The following ANK2 variants were observed in gnomAD, a reference collection of about 807,000 sequenced individuals.
ANK2 encodes the protein ankyrin-2.
Under a neutral mutation model 360.5 loss-of-function variants are expected in ANK2, and 83 were observed. That is an observed-to-expected ratio of 0.23 (90% confidence interval 0.19 to 0.28). ANK2 has a LOEUF of 0.28. Among genes scored for constraint, ANK2 ranks in the 10% least tolerant of loss-of-function variants. ANK2 has a pLI of 1.00. For synonymous variants in ANK2, 1,740 were observed against 1,759.5 expected, an observed-to-expected ratio of 0.99 and a Z score of 0.28; for missense variants, 4,201 against 4,795.7, an observed-to-expected ratio of 0.88 and a Z score of 3.66.
intron 2 of ANK2, among the ~76,000 whole-genome samples, chr4:113,192,924 TAA>T (rs373250773): frequency 0.011 from 1,531 of 136,764 alleles, 14 homozygotes; most frequent in Non-Finnish European, 0.018. Flanking sequence ...TTGCATTATT[TAA>T]AAAAAAAAAA....
At chr4:113,177,631 C>T (rs1017644653) in intron 2 of ANK2, among the ~76,000 whole-genome samples, 20 of 152,214 alleles carry the variant, frequency 1.3e-4, no homozygotes, top group African/African-American at 4.3e-4. Context: ...AAAGAATAAT[C>T]TCTCAACAGT....
At chr4:113,205,075 A>T (rs555511247) in intron 4 of ANK2, among the ~76,000 whole-genome samples, 43 of 152,016 alleles carry the variant, frequency 2.8e-4, no homozygotes, top group South Asian at 1.9e-3. Flanking sequence ...CTCTACTAAA[A>T]ATACAAAAAA....
At chr4:112,837,600 C>T (rs1277943489) in intron 1 of ANK2, among the ~76,000 whole-genome samples, 1 of 152,252 alleles carries the variant, frequency 6.6e-6, no homozygotes, top group Non-Finnish European at 1.5e-5. Context: ...GCCTCAGGGG[C>T]TGTACCCTGC....
rs114185885 is a variant in ANK2, at chr4:113,054,889, T to G, written c.84+5077T>G. 7.8e-3 allele frequency among the ~76,000 whole-genome samples: 1,189 copies of G among 152,322 alleles called. 13 individuals are homozygous for G. The highest frequency in any genetic ancestry group is 0.027 in the African/African-American group (1,123 of 41,574). The stretch of plus-strand genomic sequence containing the variant: ...ACTTTTATGATATTAATTTTTTCAC[T>G]GATAATTTCATGTCTTAGTAATAAC... On this transcript the variant is annotated intron_variant, in intron 1 of 45. Transcript: ENST00000357077.
intron 2 of ANK2, among the ~76,000 whole-genome samples, chr4:113,018,375 C>A (rs2154296133): frequency 6.6e-6 from 1 of 152,258 alleles, no homozygotes; most frequent in East Asian, 1.9e-4. Context: ...ACTTTGGTAG[C>A]AAAATCTCAA....
chr4:113,055,828 G>A (rs2069448744), intron 1 of ANK2, among the ~76,000 whole-genome samples: 1 of 152,112 alleles, frequency 6.6e-6, no homozygotes. Flanking sequence ...GAAACCAGGT[G>A]TAAGGTAGTC....
chr4:113,064,273 C>A (rs1373816145), intron 1 of ANK2, among the ~76,000 whole-genome samples: 1 of 152,114 alleles, frequency 6.6e-6, no homozygotes, highest in African/African-American at 2.4e-5. Flanking sequence ...AGAAAAAGAT[C>A]CCTTCCACCT....
intron 2 of ANK2, among the ~76,000 whole-genome samples, chr4:112,960,934 A>G (rs2034465999): frequency 6.6e-6 from 1 of 152,190 alleles, no homozygotes; most frequent in African/African-American, 2.4e-5. Flanking sequence ...TGAATCAGAT[A>G]CTTTACAAAT....
chr4:113,374,780 C>T, intron 45 of ANK2: 2 of 1,140,414 alleles, frequency 1.8e-6, no homozygotes, highest in Non-Finnish European at 2.2e-6. Context: ...TTGTGTGAGC[C>T]CAGCATTTTG....
At chr4:113,193,925 A>G (rs2098710980) in intron 2 of ANK2, among the ~76,000 whole-genome samples, 1 of 152,226 alleles carries the variant, frequency 6.6e-6, no homozygotes, top group South Asian at 2.1e-4. Flanking sequence ...CTGATATGCA[A>G]AAGACAGACT....
intron 1 of ANK2, among the ~76,000 whole-genome samples, chr4:113,082,297 AC>A (rs1306776652): frequency 1.3e-5 from 2 of 151,934 alleles, no homozygotes; most frequent in Non-Finnish European, 2.9e-5. Context: ...CCTATTTCAA[AC>A]TTGTTTTTTT....
At chr4:112,780,344 T>G in the ANK2 span, among the ~76,000 whole-genome samples, 1 of 152,206 alleles carries the variant, frequency 6.6e-6, no homozygotes, top group South Asian at 2.1e-4. Context: ...TAAAGATTTT[T>G]AAATTCTATT....
chr4:113,200,381 A>C (rs1220172301), intron 4 of ANK2, among the ~76,000 whole-genome samples: 1 of 152,340 alleles, frequency 6.6e-6, no homozygotes, highest in African/African-American at 2.4e-5. Flanking sequence ...ACTTAGATTC[A>C]AGGGGTACAT....
intron 2 of ANK2, among the ~76,000 whole-genome samples, chr4:113,181,825 G>A (rs1055356290): frequency 2.6e-5 from 4 of 152,250 alleles, no homozygotes; most frequent in Admixed American, 2.6e-4. Flanking sequence ...GAGGGGAAGC[G>A]TAGGAGGAGG....
At chr4:112,954,847 G>C (rs1410877052) in intron 2 of ANK2, among the ~76,000 whole-genome samples, 2 of 151,890 alleles carry the variant, frequency 1.3e-5, no homozygotes, top group African/African-American at 4.8e-5. Context: ...AATACTTTTG[G>C]AAAATAATTT....
chr4:113,230,880 C>G lies in ANK2; in HGVS notation c.385-1281C>G, dbSNP rs187065554. On this transcript the variant is annotated intron_variant, in intron 4 of 45. Transcript: ENST00000357077. ...TCTGTCTTGTTTATCACTGTAGCTC[C>G]GTGATAGCCTAGCCACCAGTGGCTG... Among the ~76,000 whole-genome samples the G allele has an allele frequency of 4.5e-3, 688 of 152,176 alleles. 3 individuals carry two copies. Among genetic ancestry groups the G allele is most frequent in the South Asian group, 8.9e-3 (43 of 4,820 alleles).
rs1344668669 is a variant in ANK2, at chr4:113,174,174, A to G, written c.85-242A>G. The G allele has an allele frequency of 4.1e-5, 16 of 389,028 alleles. No homozygotes were observed. In the Admixed American group the frequency reaches 5.9e-4, roughly 14 times the overall value. The allele number at this position is 389,028 out of a possible 1,614,324, so 24.1% of individuals were successfully genotyped here. A position where few individuals can be genotyped will look rare whatever the true frequency, so the allele number is the denominator to read the frequency against. The stretch of plus-strand genomic sequence containing the variant: ...GAATAAAGCAGTAACAATTATTTCC[A>G]TTTTAATGGTTCTTTTATACTCTAA... On this transcript the variant is annotated intron_variant, in intron 1 of 45. Transcript: ENST00000357077.
chr4:112,883,681 A>C (rs2077435010), intron 1 of ANK2, among the ~76,000 whole-genome samples: 1 of 152,032 alleles, frequency 6.6e-6, no homozygotes. Context: ...AAAATTTGGA[A>C]TAGACTATCC....
chr4:112,991,131 G>A (rs540566871), intron 2 of ANK2, among the ~76,000 whole-genome samples: 1 of 150,948 alleles, frequency 6.6e-6, no homozygotes, highest in South Asian at 2.1e-4. Flanking sequence ...CATGCCTGTA[G>A]TCCCAGCTCC....
Sources: allele counts gnomAD v4.1 joint callset (sites outside exome capture counted in the v4.1 genomes callset), GRCh38; gene constraint gnomAD v4.1.1; transcripts MANE v1.5; gene names NCBI Gene and HGNC (gene_info 2026-07-23, HGNC 2026-07-21).